Variants in RP1 observed in about 807,000 individuals in gnomAD.
RP1 encodes the protein oxygen-regulated protein 1.
Under a neutral mutation model 14.8 loss-of-function variants are expected in RP1, and 16 were observed. The observed-to-expected ratio is 1.08, with a 90% CI of 0.73 to 1.65. The LOEUF (loss-of-function observed/expected upper bound fraction) is 1.65. Among genes scored for constraint, RP1 ranks in the 40% most tolerant of loss-of-function variants. The pLI, the probability that RP1 is intolerant of heterozygous loss-of-function variation, is 0.00. For missense variants in RP1, 2,631 were observed against 2,535.0 expected (o/e 1.04, Z -0.81); for synonymous variants, 876 against 883.6 (o/e 0.99, Z 0.15).
chr8:54,743,160 A>T (rs1306974143), intron 19 of RP1, among the ~76,000 whole-genome samples: 2 of 152,208 alleles, frequency 1.3e-5, no homozygotes, highest in Non-Finnish European at 2.9e-5. Flanking sequence ...TGGAAGAAAG[A>T]ACTCAAATTT....
chr8:54,733,575 A>G (rs141198041), intron 17 of RP1, among the ~76,000 whole-genome samples: 195 of 152,266 alleles, frequency 1.3e-3, no homozygotes, highest in African/African-American at 4.5e-3. Context: ...CATTGTTGGT[A>G]AGATCCTAAG....
At chr8:54,646,787 T>G (rs1446850252) in intron 3 of RP1, among the ~76,000 whole-genome samples, 1 of 152,192 alleles carries the variant, frequency 6.6e-6, no homozygotes, top group Non-Finnish European at 1.5e-5. Context: ...CTTTCTTGAT[T>G]GATTTGTTCC....
chr8:54,831,715 C>A (rs1023438161), intron 24 of RP1, among the ~76,000 whole-genome samples: 5 of 151,586 alleles, frequency 3.3e-5, no homozygotes, highest in African/African-American at 1.2e-4. Flanking sequence ...TATATATACC[C>A]TTTTATGTAT....
intron 12 of RP1, among the ~76,000 whole-genome samples, chr8:54,688,716 C>A (rs201170891): frequency 3.2e-4 from 49 of 152,264 alleles, no homozygotes; most frequent in African/African-American, 9.9e-4. Context: ...GTTACTGTAG[C>A]CTTGTAGTAT....
intron 19 of RP1, among the ~76,000 whole-genome samples, chr8:54,750,941 A>C (rs1809352780): frequency 6.6e-6 from 1 of 152,230 alleles, no homozygotes. Context: ...AAAGCTGGCC[A>C]CGCCAGCCAG....
chr8:54,696,814 C>T (rs1291640449), intron 12 of RP1: 2 of 733,454 alleles, frequency 2.7e-6, no homozygotes, highest in South Asian at 1.4e-5. Context: ...GTTATGTGAC[C>T]TGCGGATTTC....
intron 12 of RP1, among the ~76,000 whole-genome samples, chr8:54,685,990 A>G (rs1807555754): frequency 6.6e-6 from 1 of 152,208 alleles, no homozygotes; most frequent in African/African-American, 2.4e-5. Flanking sequence ...ACCAACTGCT[A>G]GCATGTGAGC....
intron 17 of RP1, among the ~76,000 whole-genome samples, chr8:54,733,249 C>A (rs1808834401): frequency 6.6e-6 from 1 of 152,018 alleles, no homozygotes; most frequent in Non-Finnish European, 1.5e-5. Flanking sequence ...TTAAAATGAG[C>A]ATCATAATTT....
Position 54,624,984 on chromosome 8 carries a change from A to G in RP1, c.1102A>G (p.Ser368Gly). 6.2e-7 allele frequency: 1 copy of G among 1,614,178 alleles called. No individual in the cohort carries two copies. The highest frequency in any genetic ancestry group is 8.5e-7 in the Non-Finnish European group (1 of 1,180,024). ...TAATAATGATGAAAAGAGTGAGATG[A>G]GTTTTCCAGGAAGAACAGAAAGTCG... ...PSNNDEKSEM[S>G]FPGRTESRSS... The change falls in exon 4 of 4, where the codon AGT (serine) becomes GGT (glycine). Residue 368 changes from serine (S) to glycine (G), a missense_variant. Coordinates refer to ENST00000220676, the MANE Select transcript of RP1 (RefSeq NM_006269.2).
chr8:54,666,523 A>G (rs762966628), intron 7 of RP1, among the ~76,000 whole-genome samples: 1 of 151,256 alleles, frequency 6.6e-6, no homozygotes, highest in Non-Finnish European at 1.5e-5. Flanking sequence ...GTGTGGAGAA[A>G]CTCTTTTCAG....
At chr8:54,713,197 A>G (rs1165821022) in intron 15 of RP1, among the ~76,000 whole-genome samples, 1 of 152,216 alleles carries the variant, frequency 6.6e-6, no homozygotes, top group African/African-American at 2.4e-5. Context: ...ATAAAGTGAC[A>G]CTGATCCTAT....
At chr8:54,586,982 G>A (rs111792991) in intron 1 of RP1, among the ~76,000 whole-genome samples, 8 of 152,278 alleles carry the variant, frequency 5.3e-5, no homozygotes, top group South Asian at 4.1e-4. Flanking sequence ...GCTCATGCTC[G>A]GTGCACTGCA....
chr8:54,702,574 A>T (rs572705147), intron 14 of RP1, among the ~76,000 whole-genome samples: 63 of 152,274 alleles, frequency 4.1e-4, no homozygotes, highest in African/African-American at 1.2e-3. Flanking sequence ...TTGCCTCGAT[A>T]TTGACAGTTG....
chr8:54,861,821 C>CTT (rs1812349821), intron 27 of RP1, among the ~76,000 whole-genome samples: 2 of 152,238 alleles, frequency 1.3e-5, no homozygotes, highest in South Asian at 4.2e-4. Context: ...CCAGGCTGGT[C>CTT]TCAAACCTGA....
intron 1 of RP1, among the ~76,000 whole-genome samples, chr8:54,574,890 G>A (rs573953450): frequency 1.5e-4 from 23 of 152,096 alleles, no homozygotes; most frequent in Non-Finnish European, 3.2e-4. Context: ...TTCATGTTCA[G>A]TGCCTACCCT....
intron 13 of RP1, chr8:54,701,471 TG>T (rs1451923590): frequency 1.3e-6 from 2 of 1,494,932 alleles, no homozygotes; most frequent in South Asian, 2.6e-5. Flanking sequence ...AGGGTTTTTT[TG>T]TTTTTCCTTT....
At chr8:54,565,937 G>A (rs747130732) in intron 1 of RP1, among the ~76,000 whole-genome samples, 25 of 152,148 alleles carry the variant, frequency 1.6e-4, no homozygotes, top group African/African-American at 3.1e-4. Context: ...CCAGCTCTGC[G>A]GGTGTGCTGG....
intron 24 of RP1, among the ~76,000 whole-genome samples, chr8:54,784,533 C>A (rs1810271004): frequency 6.6e-6 from 1 of 151,970 alleles, no homozygotes; most frequent in Non-Finnish European, 1.5e-5. Context: ...ATAGTTTTAA[C>A]CTTAGCTTTC....
chr8:54,707,730 T>C (rs1390059827), intron 15 of RP1, among the ~76,000 whole-genome samples: 1 of 152,194 alleles, frequency 6.6e-6, no homozygotes, highest in Admixed American at 6.5e-5. Flanking sequence ...GTTCCCAGGG[T>C]CCCTGTCGGT....
Sources: gnomAD v4.1 joint callset for allele counts (sites outside exome capture counted in the v4.1 genomes callset) on GRCh38, gnomAD v4.1.1 for gene constraint, MANE v1.5 for transcripts, NCBI Gene and HGNC (gene_info 2026-07-23, HGNC 2026-07-21) for gene names.